Variants in RANBP2 observed in about 807,000 individuals in gnomAD.
RANBP2 encodes the protein RAN binding protein 2.
Under a neutral mutation model 303.6 loss-of-function variants are expected in RANBP2, and 57 were observed. The ratio of observed to expected loss-of-function variants is 0.19; its 90% confidence interval spans 0.15 to 0.23. RANBP2 has a LOEUF of 0.23. Ranked by LOEUF, RANBP2 falls within the 10% of genes least tolerant of loss-of-function variation. RANBP2 has a pLI of 1.00. For synonymous variants in RANBP2, 1,167 were observed against 1,301.5 expected, an observed-to-expected ratio of 0.90 and a Z score of 2.23; for missense variants, 3,138 against 3,780.8, an observed-to-expected ratio of 0.83 and a Z score of 4.46.
At chr2:109,242,598 ACCT>A in the RANBP2 span, among the ~76,000 whole-genome samples, 1 of 151,800 alleles carries the variant, frequency 6.6e-6, no homozygotes, top group Non-Finnish European at 1.5e-5. Context: ...GCCCAAAGAG[ACCT>A]CCTGCTTTGA....
the RANBP2 span, among the ~76,000 whole-genome samples, chr2:109,491,854 C>G: frequency 2.6e-5 from 4 of 152,210 alleles, no homozygotes; most frequent in East Asian, 3.9e-4. Flanking sequence ...CTTGGCCGTT[C>G]GGGTGCCTGC....
the RANBP2 span, among the ~76,000 whole-genome samples, chr2:109,184,723 T>C: frequency 6.6e-6 from 1 of 152,180 alleles, no homozygotes; most frequent in Non-Finnish European, 1.5e-5. Context: ...GTGCCTCCTG[T>C]GAATGTGCAG....
At chr2:109,307,442 C>A in the RANBP2 span, among the ~76,000 whole-genome samples, 31 of 144,586 alleles carry the variant, frequency 2.1e-4, no homozygotes, top group Admixed American at 4.2e-4. Context: ...TATTATTATA[C>A]TTTAAGTTTT....
chr2:109,383,569 T>A, the RANBP2 span, among the ~76,000 whole-genome samples: 1 of 152,196 alleles, frequency 6.6e-6, no homozygotes, highest in Admixed American at 6.5e-5. Flanking sequence ...GAGGCACGTT[T>A]AAGATTCGGG....
At chr2:109,675,383 T>A in the RANBP2 span, among the ~76,000 whole-genome samples, 2 of 152,164 alleles carry the variant, frequency 1.3e-5, no homozygotes, top group Non-Finnish European at 2.9e-5. Flanking sequence ...TTAGCAGAGA[T>A]GGAAACTATG....
At chr2:109,552,856 C>T in the RANBP2 span, 21 of 433,634 alleles carry the variant, frequency 4.8e-5, 1 homozygote, top group South Asian at 5.2e-4. Flanking sequence ...AGAATTTCAA[C>T]GATTAGTGAC....
chr2:109,144,799 A>T, the RANBP2 span, among the ~76,000 whole-genome samples: 1 of 152,362 alleles, frequency 6.6e-6, no homozygotes, highest in Admixed American at 6.5e-5. Context: ...AGCCTGAGCC[A>T]CAGCAGAGCA....
At chr2:109,025,778 A>G in the RANBP2 span, among the ~76,000 whole-genome samples, 3 of 151,714 alleles carry the variant, frequency 2.0e-5, no homozygotes, top group Non-Finnish European at 2.9e-5. Context: ...AGCCTGGGCA[A>G]CAGAGCGAGA....
the RANBP2 span, among the ~76,000 whole-genome samples, chr2:109,144,816 C>T: frequency 1.3e-5 from 2 of 152,206 alleles, no homozygotes; most frequent in African/African-American, 2.4e-5. Context: ...AGCACTGACC[C>T]GGGGTTGAGA....
At chr2:108,809,003 G>A in the RANBP2 span, among the ~76,000 whole-genome samples, 1 of 152,148 alleles carries the variant, frequency 6.6e-6, no homozygotes, top group Non-Finnish European at 1.5e-5. Context: ...GTCTGTGATG[G>A]GAGATGGGGG....
chr2:109,629,322 T>G, the RANBP2 span, among the ~76,000 whole-genome samples: 140 of 5,678 alleles, frequency 0.025, 4 homozygotes, highest in Non-Finnish European at 0.042. Flanking sequence ...TATATATATA[T>G]ATATATATAT....
the RANBP2 span, among the ~76,000 whole-genome samples, chr2:109,629,326 TATATATATATATATATATATATATATATA>T: frequency 0.085 from 619 of 7,310 alleles, 11 homozygotes; most frequent in African/African-American, 0.14. Context: ...TATATATATA[TATATATATATATATATATATATATATATA>T]TTTTTTTTTT....
chr2:108,745,497 C>T (rs978453969), intron 7 of RANBP2, among the ~76,000 whole-genome samples: 2 of 149,856 alleles, frequency 1.3e-5, no homozygotes, highest in Non-Finnish European at 3.0e-5. Context: ...AGCCTTCTAC[C>T]TGTTGGTCTT....
At chr2:109,393,424 A>T in the RANBP2 span, among the ~76,000 whole-genome samples, 1 of 152,160 alleles carries the variant, frequency 6.6e-6, no homozygotes, top group Non-Finnish European at 1.5e-5. Flanking sequence ...GCCCACACCT[A>T]TTGAGCCGGA....
chr2:109,073,183 G>A, the RANBP2 span, among the ~76,000 whole-genome samples: 1 of 152,172 alleles, frequency 6.6e-6, no homozygotes, highest in Admixed American at 6.5e-5. Context: ...CATGAATAAA[G>A]TGAGAATTTC....
chr2:109,725,185 CAG>C, the RANBP2 span, among the ~76,000 whole-genome samples: 14,442 of 152,202 alleles, frequency 0.095, 797 homozygotes, highest in African/African-American at 0.16. Context: ...ACAGTGAACA[CAG>C]GGGTGACTTC....
chr2:108,911,458 A>C, the RANBP2 span, among the ~76,000 whole-genome samples: 1 of 152,192 alleles, frequency 6.6e-6, no homozygotes, highest in African/African-American at 2.4e-5. Context: ...TTCCAAACAA[A>C]AGTCAGGATG....
At chr2:108,928,962 G>C in the RANBP2 span, among the ~76,000 whole-genome samples, 1 of 152,194 alleles carries the variant, frequency 6.6e-6, no homozygotes, top group Non-Finnish European at 1.5e-5. Flanking sequence ...ATATTATGAT[G>C]GTTAATGGCC....
At chr2:109,282,322 GT>G in the RANBP2 span, among the ~76,000 whole-genome samples, 1 of 152,122 alleles carries the variant, frequency 6.6e-6, no homozygotes, top group Non-Finnish European at 1.5e-5. Flanking sequence ...GGTGCAAGTT[GT>G]CTGCATTTTC....
Sources: allele counts gnomAD v4.1 joint callset (sites outside exome capture counted in the v4.1 genomes callset), GRCh38; gene constraint gnomAD v4.1.1; transcripts MANE v1.5; gene names NCBI Gene and HGNC (gene_info 2026-07-23, HGNC 2026-07-21).